IKZF2: variants seen among roughly 807,000 people sequenced by gnomAD.
The protein encoded by IKZF2 is zinc finger protein Helios.
A neutral mutation model predicts 49.2 loss-of-function variants in IKZF2; 15 were observed. The observed-to-expected ratio is 0.30, with a 90% CI of 0.20 to 0.47. The LOEUF (loss-of-function observed/expected upper bound fraction) is 0.47, where lower values mean the gene tolerates loss of function less well. IKZF2 is among the 20% of genes least tolerant of loss of function. IKZF2 has a pLI of 1.00. For synonymous variants in IKZF2, 227 were observed against 221.4 expected (o/e 1.03, Z -0.23); for missense variants, 567 against 664.6 (o/e 0.85, Z 1.61).
At chr2:213,092,998 C>T (rs1530237) in intron 4 of IKZF2, among the ~76,000 whole-genome samples, 133,857 of 152,190 alleles carry the variant, frequency 0.88, 59,106 homozygotes, top group African/African-American at 0.92. Context: ...TGGCAGACTT[C>T]TATTAATGAA....
rs936871117 is a variant in IKZF2, at chr2:213,004,390, G to A, written c.*2970C>T. 9 of 151,928 alleles carry A rather than the reference G, an allele frequency of 5.9e-5. No homozygotes were observed. The South Asian group carries it at 1.9e-3, about 32-fold the overall frequency. 9.4% of individuals were successfully genotyped at this position (151,928 alleles called of 1,614,324 possible). Reference sequence around the variant, plus strand: ...AAAAGGTCCAATTAGAATGGCTTTTGAGCATGATTCATCACTGTCAGAGAG... The same window carrying A: ...AAAAGGTCCAATTAGAATGGCTTTTAAGCATGATTCATCACTGTCAGAGAG... On this transcript the variant is annotated 3_prime_UTR_variant, in exon 9 of 9. Transcript: ENST00000434687.
chr2:213,135,520 C>T (rs747570265), intron 4 of IKZF2, among the ~76,000 whole-genome samples: 2 of 151,750 alleles, frequency 1.3e-5, no homozygotes, highest in Non-Finnish European at 2.9e-5. Flanking sequence ...GATAGTGAGA[C>T]CCTGACTCTA....
chr2:213,123,051 G>A (rs1450059944), intron 4 of IKZF2, among the ~76,000 whole-genome samples: 1 of 152,210 alleles, frequency 6.6e-6, no homozygotes, highest in East Asian at 1.9e-4. Flanking sequence ...ACTCAGGCAA[G>A]GGAGAAATAA....
chr2:213,067,810 T>G (rs1002232316), intron 4 of IKZF2, among the ~76,000 whole-genome samples: 2 of 152,016 alleles, frequency 1.3e-5, no homozygotes, highest in African/African-American at 4.8e-5. Flanking sequence ...TGTAAAATAT[T>G]TAATGAGCAA....
chr2:213,043,812 C>T (rs552611618), intron 6 of IKZF2, among the ~76,000 whole-genome samples: 2 of 152,342 alleles, frequency 1.3e-5, no homozygotes, highest in Admixed American at 1.3e-4. Context: ...CTGCTGCTCA[C>T]CTCCTGCTAT....
chr2:213,106,063 C>T (rs1275979780), intron 4 of IKZF2, among the ~76,000 whole-genome samples: 1 of 152,016 alleles, frequency 6.6e-6, no homozygotes, highest in South Asian at 2.1e-4. Flanking sequence ...TAAGTGATTC[C>T]ATTTTTCACT....
At chr2:213,124,602 A>G (rs1476628484) in intron 4 of IKZF2, among the ~76,000 whole-genome samples, 1 of 152,238 alleles carries the variant, frequency 6.6e-6, no homozygotes, top group Non-Finnish European at 1.5e-5. Flanking sequence ...ATGTCATGCA[A>G]TGAACTTTCT....
chr2:213,034,575 T>G (rs955716580), intron 6 of IKZF2, among the ~76,000 whole-genome samples: 4 of 152,170 alleles, frequency 2.6e-5, no homozygotes, highest in Non-Finnish European at 5.9e-5. Flanking sequence ...AACTGGCCAG[T>G]TGGTGAAGCA....
intron 4 of IKZF2, among the ~76,000 whole-genome samples, chr2:213,146,649 G>C (rs77241127): frequency 6.7e-6 from 1 of 149,838 alleles, no homozygotes; most frequent in African/African-American, 2.5e-5. Context: ...ACAGTTTCGA[G>C]AGCTGTTAGA....
intron 5 of IKZF2, among the ~76,000 whole-genome samples, chr2:213,056,148 A>G (rs1701132581): frequency 6.6e-6 from 1 of 152,130 alleles, no homozygotes; most frequent in East Asian, 1.9e-4. Flanking sequence ...TTCACAAAAA[A>G]CTTTTCACCT....
rs769347484 is a variant in IKZF2 at position 213,056,965 on chromosome 2, C to T, written c.274G>A (p.Asp92Asn). The change falls in exon 5 of 9, where the codon GAC (aspartate) becomes AAC (asparagine). Residue 92 changes from aspartate (D) to asparagine (N), a missense_variant. Physicochemically the swap from Asp to Asn is conservative, Grantham distance 23 (BLOSUM62 1). This residue lies in a region of IKZF2 where 156 missense variants were observed against 138.5 expected (regional missense o/e 1.13). Transcript: ENST00000434687. Reference sequence around the variant, plus strand: ...TGAAGCTCCTGGACTTTCCTGTTGTCAGCCACCTCGCTGCTCTCAATTAGG... The same window carrying T: ...TGAAGCTCCTGGACTTTCCTGTTGTTAGCCACCTCGCTGCTCTCAATTAGG... Reference protein sequence around the residue: ...EPLIESSEVADNRKVQELQGE... With the variant: ...EPLIESSEVANNRKVQELQGE... 1 of 1,613,876 alleles carries T rather than the reference C, an allele frequency of 6.2e-7. No homozygotes were observed. Among genetic ancestry groups the T allele is most frequent in the South Asian group, 1.1e-5 (1 of 91,076 alleles).
In IKZF2 at chr2:213,027,357, T is replaced by C. The variant is rs138976773; in HGVS notation, c.575-5227A>G. ...CTCAACAGTGATTACATTTCCTTTT[T>C]TGTGCAGCTTTTAATTTTTCCTAGA... On this transcript the variant is annotated intron_variant, in intron 6 of 8. Coordinates refer to ENST00000434687, the MANE Select transcript of IKZF2 (RefSeq NM_001387220.1). Among the ~76,000 whole-genome samples the C allele has an allele frequency of 1.1e-3, 164 of 152,270 alleles. 1 individual carries two copies. The highest frequency in any genetic ancestry group is 3.8e-3 in the African/African-American group (157 of 41,574).
chr2:213,129,247 T>C (rs2060386005), intron 4 of IKZF2, among the ~76,000 whole-genome samples: 1 of 150,482 alleles, frequency 6.6e-6, no homozygotes, highest in African/African-American at 2.5e-5. Context: ...ATTAAGTAAA[T>C]TCAGATACTA....
At chr2:213,068,947 A>AC (rs3069602) in intron 4 of IKZF2, among the ~76,000 whole-genome samples, 4 of 146,444 alleles carry the variant, frequency 2.7e-5, no homozygotes, top group East Asian at 2.0e-4. Context: ...ACACACACAC[A>AC]ACATACTCAA....
intron 4 of IKZF2, among the ~76,000 whole-genome samples, chr2:213,132,255 G>A (rs2060497535): frequency 6.6e-6 from 1 of 151,678 alleles, no homozygotes; most frequent in African/African-American, 2.4e-5. Context: ...GTCACACAAA[G>A]GAGATAAGAT....
chr2:213,042,609 A>G (rs1699767569), intron 6 of IKZF2, among the ~76,000 whole-genome samples: 1 of 152,222 alleles, frequency 6.6e-6, no homozygotes, highest in Non-Finnish European at 1.5e-5. Flanking sequence ...GATTCAATAA[A>G]GATAAGCTGA....
At chr2:213,103,458 AG>A (rs1203907615) in intron 4 of IKZF2, among the ~76,000 whole-genome samples, 1 of 152,188 alleles carries the variant, frequency 6.6e-6, no homozygotes, top group East Asian at 1.9e-4. Context: ...GCTTAATAAA[AG>A]TTTAGTGGGC....
chr2:213,071,533 A>G (rs78252005), intron 4 of IKZF2, among the ~76,000 whole-genome samples: 3,296 of 152,196 alleles, frequency 0.022, 124 homozygotes, highest in African/African-American at 0.075. Flanking sequence ...GCTAAGCACT[A>G]AAGATACAGT....
chr2:213,065,014 T>C (rs1244241694), intron 4 of IKZF2, among the ~76,000 whole-genome samples: 1 of 152,026 alleles, frequency 6.6e-6, no homozygotes, highest in African/African-American at 2.4e-5. Context: ...TGTAGTCCCA[T>C]CATATCCTTC....
Sources: allele counts gnomAD v4.1 joint callset (sites outside exome capture counted in the v4.1 genomes callset), GRCh38; gene constraint gnomAD v4.1.1; regional missense constraint gnomAD v4.1.1; transcripts MANE v1.5; gene names NCBI Gene and HGNC (gene_info 2026-07-23, HGNC 2026-07-21).